The following RBFOX1 variants were observed in gnomAD, a reference collection of about 807,000 sequenced individuals.
RBFOX1 encodes RNA binding fox-1 homolog 1.
RBFOX1 carries 8 observed loss-of-function variants against 57.7 expected under a neutral mutation model. The observed-to-expected ratio is 0.14, with a 90% confidence interval of 0.08 to 0.25. The LOEUF is 0.25. Ranked by LOEUF, RBFOX1 falls within the 10% of genes least tolerant of loss-of-function variation. The probability of loss-of-function intolerance (pLI) is 1.00; values close to 1 mark genes in which losing one functional copy is unlikely to be tolerated. For missense variants in RBFOX1, 611 were observed against 548.5 expected, an observed-to-expected ratio of 1.11 and a Z score of -1.14; for synonymous variants, 326 against 222.4, an observed-to-expected ratio of 1.47 and a Z score of -4.15.
At chr16:6,287,720 T>C (rs554485354) in intron 1 of RBFOX1, among the ~76,000 whole-genome samples, 1 of 152,310 alleles carries the variant, frequency 6.6e-6, no homozygotes, top group South Asian at 2.1e-4. Flanking sequence ...ATATATGTGA[T>C]ACATATGAAA....
At chr16:7,003,225 C>G (rs2092990288) in intron 3 of RBFOX1, among the ~76,000 whole-genome samples, 1 of 151,950 alleles carries the variant, frequency 6.6e-6, no homozygotes, top group Non-Finnish European at 1.5e-5. Flanking sequence ...CTTTGGGAGG[C>G]CGAGGTGGGT....
At chr16:7,179,795 C>A (rs1054195756) in intron 4 of RBFOX1, among the ~76,000 whole-genome samples, 3 of 151,998 alleles carry the variant, frequency 2.0e-5, no homozygotes, top group African/African-American at 7.3e-5. Context: ...AATGCAGTGG[C>A]ATGATCTCGG....
At position 6,183,588 on chromosome 16, in the gene RBFOX1, C is replaced by A. The variant is rs537505648; in HGVS notation, c.-126-133407C>A. On this transcript the variant is annotated intron_variant, in intron 1 of 15. Coordinates refer to ENST00000550418, the MANE Select transcript of RBFOX1 (RefSeq NM_018723.4). ...ATGCTGTTATATATGAGAGAGGGGT[C>A]TGGGAATACATCTCTGATGTGTAAC... Among the ~76,000 whole-genome samples the A allele has an allele frequency of 2.2e-4, 33 of 152,042 alleles. No homozygotes were observed. The South Asian group carries it at 6.7e-3, about 31-fold the overall frequency.
At chr16:6,077,166 C>G (rs559412562) in intron 1 of RBFOX1, among the ~76,000 whole-genome samples, 1 of 152,136 alleles carries the variant, frequency 6.6e-6, no homozygotes, top group South Asian at 2.1e-4. Context: ...CTTTTAGACA[C>G]CAAAGTTCAG....
intron 3 of RBFOX1, among the ~76,000 whole-genome samples, chr16:7,050,882 G>A (rs949261445): frequency 1.3e-5 from 2 of 151,856 alleles, no homozygotes; most frequent in African/African-American, 4.8e-5. Context: ...TAATCTTAGT[G>A]GTAATATTTC....
At chr16:6,492,146 G>A (rs891303840) in intron 2 of RBFOX1, among the ~76,000 whole-genome samples, 6 of 152,030 alleles carry the variant, frequency 3.9e-5, no homozygotes, top group Non-Finnish European at 8.8e-5. Context: ...GCGTGTGAAA[G>A]TTTCCCTTGT....
At chr16:5,999,902 AAAAAAGAGTGAAG>A (rs1567239229) in intron 4 of RBFOX1, among the ~76,000 whole-genome samples, 20 of 37,356 alleles carry the variant, frequency 5.4e-4, no homozygotes, top group Non-Finnish European at 6.3e-4. Flanking sequence ...AAAAAAAAAA[AAAAAAGAGTGAAG>A]AAGGGAAATC....
At chr16:7,527,730 G>A (rs2079020338) in intron 5 of RBFOX1, among the ~76,000 whole-genome samples, 1 of 152,032 alleles carries the variant, frequency 6.6e-6, no homozygotes, top group African/African-American at 2.4e-5. Context: ...TGTCTATGAA[G>A]GTCTTAGCAC....
chr16:7,653,783 G>GCTCTCT lies in RBFOX1; in HGVS notation c.758-20_758-15dup, dbSNP rs3217052. 3,957 of 1,511,018 alleles carry GCTCTCT rather than the reference G, an allele frequency of 2.6e-3. 5 individuals carry two copies. The highest frequency in any genetic ancestry group is 3.4e-3 in the Non-Finnish European group (3,751 of 1,107,430). 93.6% of individuals were successfully genotyped at this position (1,511,018 alleles called of 1,614,324 possible). A position where few individuals can be genotyped will look rare whatever the true frequency, so the allele number is the denominator to read the frequency against. On this transcript the variant is annotated intron_variant, in intron 11 of 15. Coordinates refer to ENST00000550418, the MANE Select transcript of RBFOX1 (RefSeq NM_018723.4). ...GCAGGGTGTGCATCTGACAGCCTGT[G>GCTCTCT]CTCTCTCTCTCTCTCTCCTCTTGCC...
chr16:5,896,888 C>T (rs2058178126), intron 4 of RBFOX1, among the ~76,000 whole-genome samples: 1 of 152,100 alleles, frequency 6.6e-6, no homozygotes, highest in Non-Finnish European at 1.5e-5. Context: ...CCATTTTCTT[C>T]TGCTTTTGAG....
At chr16:5,293,783 T>C (rs963652034) in intron 1 of RBFOX1, among the ~76,000 whole-genome samples, 10 of 146,042 alleles carry the variant, frequency 6.8e-5, no homozygotes, top group African/African-American at 2.3e-4. Flanking sequence ...GCTTGATGGA[T>C]ACAGGGTTAT....
At chr16:7,381,374 A>G (rs2097779736) in intron 4 of RBFOX1, among the ~76,000 whole-genome samples, 3 of 152,240 alleles carry the variant, frequency 2.0e-5, no homozygotes, top group Admixed American at 6.5e-5. Context: ...AAAGAAAACC[A>G]TATTTGAAAT....
chr16:6,846,042 C>G (rs1225724788), intron 3 of RBFOX1, among the ~76,000 whole-genome samples: 2 of 152,220 alleles, frequency 1.3e-5, no homozygotes, highest in African/African-American at 2.4e-5. Flanking sequence ...TTCTGTCCCT[C>G]AACAAGCACA....
At chr16:5,443,961 C>A (rs1350847328) in intron 1 of RBFOX1, among the ~76,000 whole-genome samples, 1 of 152,156 alleles carries the variant, frequency 6.6e-6, no homozygotes, top group Non-Finnish European at 1.5e-5. Flanking sequence ...TCAGGCATGT[C>A]AACCATCGGC....
At chr16:5,311,935 G>T (rs1235865528) in intron 1 of RBFOX1, among the ~76,000 whole-genome samples, 3 of 152,128 alleles carry the variant, frequency 2.0e-5, no homozygotes, top group Admixed American at 2.0e-4. Flanking sequence ...GTAATAATCT[G>T]TGGGCAAATC....
At chr16:6,356,404 C>T (rs2087328432) in intron 2 of RBFOX1, among the ~76,000 whole-genome samples, 1 of 152,198 alleles carries the variant, frequency 6.6e-6, no homozygotes, top group South Asian at 2.1e-4. Flanking sequence ...TACCACAGCC[C>T]TCCAGCCTGG....
chr16:5,532,418 A>G (rs1196685409), intron 2 of RBFOX1, among the ~76,000 whole-genome samples: 1 of 152,180 alleles, frequency 6.6e-6, no homozygotes, highest in Non-Finnish European at 1.5e-5. Flanking sequence ...AGAGATGCAG[A>G]ATCTCAGGCC....
chr16:5,764,382 A>G (rs543305864), intron 3 of RBFOX1, among the ~76,000 whole-genome samples: 92 of 152,354 alleles, frequency 6.0e-4, no homozygotes, highest in African/African-American at 2.1e-3. Context: ...AGTAGATGCC[A>G]GCACCCAGCC....
At chr16:6,976,829 A>G (rs530004498) in intron 3 of RBFOX1, among the ~76,000 whole-genome samples, 29 of 142,604 alleles carry the variant, frequency 2.0e-4, no homozygotes, top group Non-Finnish European at 3.9e-4. Flanking sequence ...GATCATATAT[A>G]ATGTACCTAT....
Sources: allele counts gnomAD v4.1 joint callset (sites outside exome capture counted in the v4.1 genomes callset), GRCh38; gene constraint gnomAD v4.1.1; transcripts MANE v1.5; gene names NCBI Gene and HGNC (gene_info 2026-07-23, HGNC 2026-07-21).